The following ESR2 variants were observed in gnomAD, a reference collection of about 807,000 sequenced individuals.
ESR2 encodes estrogen receptor 2.
In ESR2, 36 loss-of-function variants were observed where a neutral mutation model predicts 49.6. The ratio of observed to expected loss-of-function variants is 0.73; its 90% CI spans 0.56 to 0.96. The LOEUF (loss-of-function observed/expected upper bound fraction) is 0.96, where lower values mean the gene tolerates loss of function less well. ESR2 is among the 40% of genes least tolerant of loss of function. The pLI, the probability that ESR2 is intolerant of heterozygous loss-of-function variation, is 0.00. For missense variants in ESR2, 714 were observed against 693.0 expected (o/e 1.03, Z -0.34); for synonymous variants, 320 against 266.1 (o/e 1.20, Z -1.97).
At chr14:64,257,157 CT>C in intron 6 of ESR2, 68 bp downstream of exon 6, 6 of 1,464,114 alleles carry the variant, frequency 4.1e-6, no homozygotes, top group Non-Finnish European at 5.7e-6. Flanking sequence ...GCACCCAGGA[CT>C]TTGTTCCCAC....
intron 1 of ESR2, among the ~76,000 whole-genome samples, chr14:64,315,359 T>C (rs1330420585): frequency 6.6e-6 from 1 of 151,988 alleles, no homozygotes; most frequent in Non-Finnish European, 1.5e-5. Context: ...TAAGGAATTA[T>C]TATAAACAAC....
chr14:64,227,668 G>A (rs2098722793), downstream of ESR2: 1 of 1,612,668 alleles, frequency 6.2e-7, no homozygotes, highest in Non-Finnish European at 8.5e-7. Context: ...AGTGTGGTCT[G>A]CATTTCAAAG....
intron 1 of ESR2, among the ~76,000 whole-genome samples, chr14:64,286,250 G>C (rs1198282470): frequency 2.0e-5 from 3 of 152,118 alleles, no homozygotes. Flanking sequence ...AAGGTTTGGT[G>C]TTTGGGTTTT....
intron 3 of ESR2, among the ~76,000 whole-genome samples, chr14:64,272,452 T>G (rs2076469418): frequency 6.6e-6 from 1 of 152,242 alleles, no homozygotes; most frequent in Non-Finnish European, 1.5e-5. Context: ...TGTGGTATTA[T>G]TACTCAAGAA....
rs944047 is a variant in ESR2, at chr14:64,233,574, C to T, written c.1407-251G>A. The T allele has an allele frequency of 0.6, 278,765 of 465,126 alleles. 86,491 individuals carry two copies. Among genetic ancestry groups the T allele is most frequent in the African/African-American group, 0.88 (45,644 of 51,968 alleles). 28.8% of individuals were successfully genotyped at this position (465,126 alleles called of 1,614,324 possible). A position where few individuals can be genotyped will look rare whatever the true frequency, so the allele number is the denominator to read the frequency against. On this transcript the variant is annotated intron_variant, in intron 8 of 8. Transcript: ENST00000341099. ...TGGCCTGACACATAGGACAATCAAT[C>T]CTCATTGTTTGCGGTAATTATGTTC...
chr14:64,315,267 GGA>G (rs1395526699), intron 1 of ESR2, among the ~76,000 whole-genome samples: 1 of 136,690 alleles, frequency 7.3e-6, no homozygotes, highest in Non-Finnish European at 1.6e-5. Context: ...AAAAAAAAAA[GGA>G]GAGAGAGAGA....
At chr14:64,256,142 G>C (rs1213473656) in intron 6 of ESR2, among the ~76,000 whole-genome samples, 1 of 152,232 alleles carries the variant, frequency 6.6e-6, no homozygotes, top group East Asian at 1.9e-4. Context: ...CCATAAAAGA[G>C]ATGTGGAAAT....
intron 7 of ESR2, among the ~76,000 whole-genome samples, chr14:64,241,548 A>G (rs1282534866): frequency 1.3e-5 from 2 of 152,236 alleles, no homozygotes; most frequent in African/African-American, 4.8e-5. Flanking sequence ...ACTGAATCTT[A>G]TGATCCATTA....
intron 6 of ESR2, among the ~76,000 whole-genome samples, chr14:64,254,100 C>T (rs1324759677): frequency 6.6e-6 from 1 of 152,118 alleles, no homozygotes; most frequent in Admixed American, 6.5e-5. Flanking sequence ...TTGTTGTGGA[C>T]ACCTCAACAA....
chr14:64,226,865 A>G (rs1190585584), downstream of ESR2: 1 of 151,960 alleles, frequency 6.6e-6, no homozygotes, highest in African/African-American at 2.4e-5. Context: ...TAATTATTAT[A>G]TTTTTAATAG....
chr14:64,315,322 C>T (rs1207470250), intron 1 of ESR2, among the ~76,000 whole-genome samples: 2 of 149,066 alleles, frequency 1.3e-5, no homozygotes, highest in East Asian at 1.9e-4. Context: ...TCTATTACTA[C>T]AGACTATACA....
At chr14:64,315,584 C>T (rs1460644716) in intron 1 of ESR2, among the ~76,000 whole-genome samples, 1 of 151,920 alleles carries the variant, frequency 6.6e-6, no homozygotes, top group Admixed American at 6.6e-5. Context: ...AAGCGATTCT[C>T]CTGTCTCAGC....
chr14:64,318,936 G>C (rs1318648934), intron 1 of ESR2, among the ~76,000 whole-genome samples: 1 of 152,096 alleles, frequency 6.6e-6, no homozygotes, highest in Non-Finnish European at 1.5e-5. Flanking sequence ...AGCTACTAGG[G>C]AGGCTGAGAT....
intron 1 of ESR2, among the ~76,000 whole-genome samples, chr14:64,305,290 CAA>C (rs567349725): frequency 6.0e-5 from 6 of 100,348 alleles, no homozygotes; most frequent in Admixed American, 2.3e-4. Context: ...GACTCCGTCT[CAA>C]AAAAAAAAAA....
At chr14:64,242,193 T>C (rs1159325672) in intron 7 of ESR2, among the ~76,000 whole-genome samples, 2 of 152,092 alleles carry the variant, frequency 1.3e-5, no homozygotes, top group Non-Finnish European at 2.9e-5. Context: ...GTGGATCACC[T>C]GAGGTCAGCA....
chr14:64,297,472 G>A (rs559463632), upstream of ESR2: 1 of 152,266 alleles, frequency 6.6e-6, no homozygotes, highest in Admixed American at 6.5e-5. Context: ...CCTAAATAAG[G>A]TGAAGAGCAC....
At chr14:64,323,509 C>T (rs2077350168) in intron 1 of ESR2, among the ~76,000 whole-genome samples, 1 of 129,594 alleles carries the variant, frequency 7.7e-6, no homozygotes, top group African/African-American at 3.3e-5. Context: ...CCTGGCCAAG[C>T]ACACGTTATT....
intron 1 of ESR2, among the ~76,000 whole-genome samples, chr14:64,304,236 G>T: frequency 6.6e-6 from 1 of 152,242 alleles, no homozygotes; most frequent in South Asian, 2.1e-4. Flanking sequence ...GAGCCCGGCA[G>T]GTTCGAGGCT....
intron 1 of ESR2, among the ~76,000 whole-genome samples, chr14:64,318,510 C>T (rs183567100): frequency 1.4e-3 from 156 of 115,144 alleles, no homozygotes; most frequent in African/African-American, 5.0e-3. Context: ...ACACTCTAGC[C>T]TGGGCGACAA....
Sources: allele counts gnomAD v4.1 joint callset (sites outside exome capture counted in the v4.1 genomes callset), GRCh38; gene constraint gnomAD v4.1.1; transcripts MANE v1.5; gene names NCBI Gene and HGNC (gene_info 2026-07-23, HGNC 2026-07-21).